The following STAU2 variants were observed in gnomAD, a reference collection of about 807,000 sequenced individuals.
The protein encoded by STAU2 is double-stranded RNA-binding protein Staufen homolog 2.
In STAU2, 20 loss-of-function variants were observed where a neutral mutation model predicts 65.9. That is an observed-to-expected ratio of 0.30 (90% CI 0.21 to 0.44). The LOEUF is 0.44. Among genes scored for constraint, STAU2 ranks in the 20% least tolerant of loss-of-function variants. The pLI, the probability that STAU2 is intolerant of heterozygous loss-of-function variation, is 1.00. For missense variants in STAU2, 558 were observed against 683.9 expected (o/e 0.82, Z 2.05); for synonymous variants, 232 against 233.9 (o/e 0.99, Z 0.07).
intron 13 of STAU2, among the ~76,000 whole-genome samples, chr8:73,462,947 C>T (rs1585807192): frequency 1.3e-5 from 2 of 152,126 alleles, no homozygotes; most frequent in East Asian, 3.9e-4. Flanking sequence ...CATGTTTTTG[C>T]AGAATAATGA....
chr8:73,703,519 A>T (rs563896129), intron 4 of STAU2, among the ~76,000 whole-genome samples: 1 of 152,380 alleles, frequency 6.6e-6, no homozygotes, highest in Non-Finnish European at 1.5e-5. Context: ...TGTTCAAATT[A>T]GCTTTATTAT....
At chr8:73,483,201 G>A (rs533127278) in intron 13 of STAU2, among the ~76,000 whole-genome samples, 2 of 151,992 alleles carry the variant, frequency 1.3e-5, no homozygotes, top group Non-Finnish European at 2.9e-5. Flanking sequence ...AGAATCACTT[G>A]GCCTGAAGGA....
intron 11 of STAU2, among the ~76,000 whole-genome samples, chr8:73,588,947 A>T (rs1023775336): frequency 6.6e-6 from 1 of 152,140 alleles, no homozygotes; most frequent in African/African-American, 2.4e-5. Context: ...AAGAACTATG[A>T]CACCCACCAC....
At chr8:73,646,471 T>C (rs947429766) in intron 6 of STAU2, among the ~76,000 whole-genome samples, 2 of 152,060 alleles carry the variant, frequency 1.3e-5, no homozygotes, top group African/African-American at 4.8e-5. Flanking sequence ...AGCAATTCAA[T>C]GGAGGAAGGA....
At chr8:73,535,915 AAC>A (rs1806149669) in intron 13 of STAU2, among the ~76,000 whole-genome samples, 1 of 152,322 alleles carries the variant, frequency 6.6e-6, no homozygotes, top group East Asian at 1.9e-4. Context: ...ATAGGTATCA[AAC>A]ACAGGACCTT....
At chr8:73,742,693 A>C (rs10099621) in intron 1 of STAU2, among the ~76,000 whole-genome samples, 10,136 of 151,872 alleles carry the variant, frequency 0.067, 378 homozygotes, top group Middle Eastern at 0.14. Context: ...TCTAGATTCC[A>C]AACTACTAAA....
At chr8:73,472,365 T>C (rs994516862) in intron 13 of STAU2, among the ~76,000 whole-genome samples, 2 of 151,996 alleles carry the variant, frequency 1.3e-5, no homozygotes, top group East Asian at 1.9e-4. Context: ...GAAGGATATA[T>C]AAAGGGAAAG....
intron 6 of STAU2, among the ~76,000 whole-genome samples, chr8:73,648,902 G>C (rs1464062475): frequency 2.6e-5 from 4 of 152,118 alleles, no homozygotes; most frequent in Non-Finnish European, 5.9e-5. Context: ...AAACTTGTTG[G>C]CTCAGGCGAT....
intron 12 of STAU2, among the ~76,000 whole-genome samples, chr8:73,577,893 C>CT (rs1475429140): frequency 6.6e-6 from 1 of 151,904 alleles, no homozygotes; most frequent in Non-Finnish European, 1.5e-5. Context: ...GGGTGTTTGC[C>CT]TTTTTTTAAA....
intron 5 of STAU2, among the ~76,000 whole-genome samples, chr8:73,684,452 A>G (rs934099811): frequency 2.4e-4 from 37 of 152,320 alleles, no homozygotes; most frequent in African/African-American, 8.9e-4. Flanking sequence ...TTGATATAAA[A>G]ATTAACTCAA....
At chr8:73,688,532 A>T (rs1449441322) in intron 5 of STAU2, 122 bp downstream of exon 5, 1 of 624,956 alleles carries the variant, frequency 1.6e-6, no homozygotes, top group Non-Finnish European at 2.7e-6. Context: ...GTGTGTGTGT[A>T]GGTATGGGCA....
chr8:73,494,860 T>C (rs757332611), intron 13 of STAU2, among the ~76,000 whole-genome samples: 5 of 151,652 alleles, frequency 3.3e-5, no homozygotes, highest in Non-Finnish European at 7.4e-5. Context: ...CAAATAACAT[T>C]ATAAATTTTG....
chr8:73,578,559 C>T (rs187784893), intron 12 of STAU2, among the ~76,000 whole-genome samples: 26 of 152,266 alleles, frequency 1.7e-4, no homozygotes, highest in African/African-American at 6.0e-4. Flanking sequence ...AGCAATTCTA[C>T]CTGCAGGCTC....
At chr8:73,664,797 C>G (rs779068413) in intron 6 of STAU2, among the ~76,000 whole-genome samples, 1 of 152,080 alleles carries the variant, frequency 6.6e-6, no homozygotes, top group Non-Finnish European at 1.5e-5. Context: ...TCAAGACCAG[C>G]CTGGGCAACA....
chr8:73,637,953 G>GA (rs1307319734), intron 6 of STAU2, among the ~76,000 whole-genome samples: 2 of 151,488 alleles, frequency 1.3e-5, no homozygotes, highest in African/African-American at 2.4e-5. Flanking sequence ...AATCAGTTTA[G>GA]AAAAAATAAT....
At chr8:73,492,138 T>G (rs1821182648) in intron 13 of STAU2, among the ~76,000 whole-genome samples, 1 of 151,840 alleles carries the variant, frequency 6.6e-6, no homozygotes, top group Non-Finnish European at 1.5e-5. Context: ...AGGAGTTTAG[T>G]GTAAATGTAG....
intron 3 of STAU2, among the ~76,000 whole-genome samples, chr8:73,723,994 TTCAAG>T (rs1356631704): frequency 1.3e-5 from 2 of 152,226 alleles, no homozygotes; most frequent in Non-Finnish European, 1.5e-5. Flanking sequence ...GTTTGTTCCT[TTCAAG>T]TCTTGTTTTT....
chr8:73,740,767 G>A (rs182887330), intron 1 of STAU2, among the ~76,000 whole-genome samples: 8 of 152,222 alleles, frequency 5.3e-5, no homozygotes, highest in Admixed American at 2.0e-4. Flanking sequence ...CCGGGAGGCC[G>A]AGGTGGGGGG....
rs1807325666 is a variant in STAU2, at chr8:73,746,835, A to G, written c.-249T>C. 1 of 1,227,068 alleles carries G rather than the reference A, an allele frequency of 8.1e-7. No homozygotes were observed. Among genetic ancestry groups the G allele is most frequent in the Non-Finnish European group, 1.0e-6 (1 of 983,866 alleles). 76.0% of individuals were successfully genotyped at this position (1,227,068 alleles called of 1,614,324 possible). On this transcript the variant is annotated 5_prime_UTR_variant, in exon 1 of 15. Transcript: ENST00000524300. ...GCTCCAACATTGGCAAACACTACAGAGAACTGACCCCGCTCGGCCGCCGCC... is the reference window on the plus strand; with the variant it reads ...GCTCCAACATTGGCAAACACTACAGGGAACTGACCCCGCTCGGCCGCCGCC...
Sources: allele counts gnomAD v4.1 joint callset (sites outside exome capture counted in the v4.1 genomes callset), GRCh38; gene constraint gnomAD v4.1.1; transcripts MANE v1.5; gene names NCBI Gene and HGNC (gene_info 2026-07-23, HGNC 2026-07-21).